NSL1: variants seen among roughly 807,000 people sequenced by gnomAD.
The protein encoded by NSL1 is kinetochore-associated protein NSL1 homolog.
In NSL1, 11 loss-of-function variants were observed where a neutral mutation model predicts 25.4. That is an observed-to-expected ratio of 0.43 (90% CI 0.27 to 0.72). The LOEUF (loss-of-function observed/expected upper bound fraction) is 0.72. Ranked by LOEUF, NSL1 falls within the 30% of genes least tolerant of loss-of-function variation. The probability of loss-of-function intolerance (pLI) is 0.19; values close to 1 mark genes in which losing one functional copy is unlikely to be tolerated. For missense variants in NSL1, 330 were observed against 342.7 expected (o/e 0.96, Z 0.29); for synonymous variants, 118 against 120.6 (o/e 0.98, Z 0.14).
At chr1:212,790,852 G>A (rs1661189097) in intron 1 of NSL1, among the ~76,000 whole-genome samples, 1 of 152,042 alleles carries the variant, frequency 6.6e-6, no homozygotes, top group Admixed American at 6.5e-5. Flanking sequence ...GAACCCAGGA[G>A]GCGGAGCTTG....
chr1:212,735,579 C>T lies in NSL1; in HGVS notation c.*2829G>A. The T allele has an allele frequency of 1.8e-5, 17 of 968,860 alleles. No individual in the cohort carries two copies. Among genetic ancestry groups the T allele is most frequent in the Non-Finnish European group, 2.0e-5 (16 of 814,890 alleles). The allele number at this position is 968,860 out of a possible 1,614,324, so 60.0% of individuals were successfully genotyped here. ...TTATGGACTCAATGTTTGTGTCCCC[C>T]TAAAATCTGTATGATGAAGCCTTAA... On this transcript the variant is annotated 3_prime_UTR_variant, in exon 6 of 6. Coordinates refer to ENST00000366977, the MANE Select transcript of NSL1 (RefSeq NM_015471.4).
intron 4 of NSL1, chr1:212,766,148 A>C (rs1659802630): frequency 2.3e-6 from 1 of 439,834 alleles, no homozygotes; most frequent in Non-Finnish European, 4.2e-6. Flanking sequence ...AAAAAAAAAA[A>C]CAAAAAAACC....
chr1:212,764,156 TA>T (rs1659692344), intron 4 of NSL1: 1 of 212,728 alleles, frequency 4.7e-6, no homozygotes, highest in Admixed American at 5.8e-5. Flanking sequence ...ACATGGAAAT[TA>T]AATAATCTGC....
Position 212,791,613 on chromosome 1 carries a change from G to T in NSL1, c.151C>A (p.Gln51Lys). 6.2e-7 allele frequency: 1 copy of T among 1,613,916 alleles called. No individual in the cohort carries two copies. Among genetic ancestry groups the T allele is most frequent in the East Asian group, 2.2e-5 (1 of 44,880 alleles). ...TTTTGCACGAAGCGGCCGCACAGTT[G>T]TAGCATTTCGGTCACAGCCCGCTTC... The part of the protein sequence containing the change: ...TSKRAVTEML[Q>K]LCGRFVQKLG... Residue 51 changes from glutamine (Q) to lysine (K), a missense_variant, in exon 1 of 6, where the codon CAA becomes AAA. Transcript: ENST00000366977.
intron 1 of NSL1, among the ~76,000 whole-genome samples, chr1:212,790,934 AT>A (rs144992193): frequency 6.2e-4 from 94 of 150,412 alleles, no homozygotes; most frequent in African/African-American, 1.2e-3. Context: ...AAAAAAAAAA[AT>A]AAAATAAAAT....
chr1:212,791,743 C>T lies in NSL1; in HGVS notation c.21G>A (p.Leu7=). The T allele has an allele frequency of 6.2e-7, 1 of 1,610,006 alleles. No individual in the cohort carries two copies. Among genetic ancestry groups the T allele is most frequent in the Non-Finnish European group, 8.5e-7 (1 of 1,177,630 alleles). MAGSPE[L]VVLDPPWDKE... ...TGTCCCATGGAGGGTCAAGGACCAC[C>T]AACTCAGGAGACCCCGCCATTTTTC... Residue 7 remains leucine, a synonymous_variant, in exon 1 of 6, where the codon TTG becomes TTA. Transcript: ENST00000366977.
At chr1:212,790,045 G>C (rs894342434) in intron 1 of NSL1, among the ~76,000 whole-genome samples, 17 of 151,422 alleles carry the variant, frequency 1.1e-4, no homozygotes, top group African/African-American at 3.9e-4. Flanking sequence ...ATGGAGTCTC[G>C]CTCTGTCACC....
rs552376253 is a variant in NSL1, at chr1:212,791,457, C to T, written c.234+73G>A. 708 of 1,394,956 alleles carry T rather than the reference C, an allele frequency of 5.1e-4. 10 individuals are homozygous for T. The South Asian group carries it at 7.6e-3, about 15-fold the overall frequency. The allele number at this position is 1,394,956 out of a possible 1,614,324, so 86.4% of individuals were successfully genotyped here. On this transcript the variant is annotated intron_variant, in intron 1 of 5. Coordinates refer to ENST00000366977, the MANE Select transcript of NSL1 (RefSeq NM_015471.4). ...ATTCTGCCAAGGCCTGGCGTGGGAT[C>T]TTTCTGAATCCTAAGATCCTGGGTG...
chr1:212,762,306 C>CA (rs71147025), intron 4 of NSL1, among the ~76,000 whole-genome samples: 4,098 of 114,602 alleles, frequency 0.036, 76 homozygotes, highest in Middle Eastern at 0.077. Flanking sequence ...TTAAAAGAAA[C>CA]AAAAAAAAAA....
chr1:212,761,347 C>T (rs780823936), intron 4 of NSL1, among the ~76,000 whole-genome samples: 11 of 152,086 alleles, frequency 7.2e-5, no homozygotes, highest in South Asian at 2.1e-4. Context: ...CCTTGGAGTT[C>T]GAGACCAGCC....
Position 212,730,762 on chromosome 1 carries a change from C to T in NSL1, c.*7646G>A. On this transcript the variant is annotated 3_prime_UTR_variant, in exon 6 of 6. Coordinates refer to ENST00000366977, the MANE Select transcript of NSL1 (RefSeq NM_015471.4). ...TTCTAGTAGACGTAGTTCTAGTAGACAGGAGACTCTGGAGTCCTAATTCAG... is the reference window on the plus strand; with the variant it reads ...TTCTAGTAGACGTAGTTCTAGTAGATAGGAGACTCTGGAGTCCTAATTCAG... 33 of 985,380 alleles carry T rather than the reference C, an allele frequency of 3.3e-5. No homozygotes were observed. Among genetic ancestry groups the T allele is most frequent in the Non-Finnish European group, 3.9e-5 (32 of 829,916 alleles). The allele number at this position is 985,380 out of a possible 1,614,324, so 61.0% of individuals were successfully genotyped here. A position where few individuals can be genotyped will look rare whatever the true frequency, so the allele number is the denominator to read the frequency against.
At position 212,735,436 on chromosome 1, in the gene NSL1, G is replaced by C; in HGVS notation, c.*2972C>G. 2.0e-6 allele frequency: 2 copies of C among 985,398 alleles called. No individual in the cohort carries two copies. The highest frequency in any genetic ancestry group is 9.4e-5 in the South Asian group (2 of 21,284). The allele number at this position is 985,398 out of a possible 1,614,324, so 61.0% of individuals were successfully genotyped here. ...AAAGAAAAAGTACATCTTACAAGAT[G>C]AAATCATACTGTTTGAAGCAATAAA... On this transcript the variant is annotated 3_prime_UTR_variant, in exon 6 of 6. Transcript: ENST00000366977.
intron 4 of NSL1, among the ~76,000 whole-genome samples, chr1:212,781,538 T>TC (rs1553254569): frequency 0.023 from 3,464 of 151,840 alleles, 63 homozygotes; most frequent in South Asian, 0.041. Context: ...TGCTTATACT[T>TC]CCCCCCCTCT....
chr1:212,784,590 C>A (rs867666238), intron 2 of NSL1, 97 bp from the exon 3 acceptor site: 115 of 677,900 alleles, frequency 1.7e-4, no homozygotes, highest in South Asian at 7.4e-4. Context: ...TTAGAAAACA[C>A]AAAATAATGA....
chr1:212,738,299 TA>T lies in NSL1; in HGVS notation c.*108del, dbSNP rs765913554. The T allele has an allele frequency of 4.0e-6, 6 of 1,491,672 alleles. No individual in the cohort carries two copies. Among genetic ancestry groups the T allele is most frequent in the Non-Finnish European group, 5.3e-6 (6 of 1,125,112 alleles). 92.4% of individuals were successfully genotyped at this position (1,491,672 alleles called of 1,614,324 possible). The stretch of plus-strand genomic sequence containing the variant: ...TATATCTGTATAAATGAATCACTAG[TA>T]AAAGAGTTATTTCTTATTTCAAATG... On this transcript the variant is annotated 3_prime_UTR_variant, in exon 6 of 6. Transcript: ENST00000366977.
chr1:212,733,024 T>C lies in NSL1; in HGVS notation c.*5384A>G, dbSNP rs191336147. Among the ~76,000 whole-genome samples, 527 of 152,328 alleles carry C rather than the reference T, an allele frequency of 3.5e-3. 7 individuals are homozygous for C. The highest frequency in any genetic ancestry group is 0.012 in the African/African-American group (504 of 41,564). Reference sequence around the variant, plus strand: ...TCTATTTCTTTATTCTCTTTTTAAATTGAGATATACTTTACCATCTCACTC... The same window carrying C: ...TCTATTTCTTTATTCTCTTTTTAAACTGAGATATACTTTACCATCTCACTC... On this transcript the variant is annotated 3_prime_UTR_variant, in exon 6 of 6. Coordinates refer to ENST00000366977, the MANE Select transcript of NSL1 (RefSeq NM_015471.4).
intron 4 of NSL1, among the ~76,000 whole-genome samples, chr1:212,740,527 T>C (rs1452998363): frequency 1.3e-5 from 2 of 152,170 alleles, no homozygotes; most frequent in Non-Finnish European, 2.9e-5. Flanking sequence ...GTGAAACCTA[T>C]GAACACCTTC....
rs138312641 is a variant in NSL1, at chr1:212,756,358, G to A, written c.500-16757C>T. On this transcript the variant is annotated intron_variant, in intron 4 of 5. Coordinates refer to ENST00000366977, the MANE Select transcript of NSL1 (RefSeq NM_015471.4). ...TGGTCTCAAACTCCTGTGCTCAAGC[G>A]ATCAGCTTCCCAAAGTGCTGGGCTT... 3.5e-3 allele frequency among the ~76,000 whole-genome samples: 531 copies of A among 152,242 alleles called. 7 individuals carry two copies. Among genetic ancestry groups the A allele is most frequent in the African/African-American group, 0.012 (507 of 41,550 alleles).
intron 1 of NSL1, among the ~76,000 whole-genome samples, chr1:212,790,163 G>A (rs1661131408): frequency 6.6e-6 from 1 of 152,092 alleles, no homozygotes; most frequent in African/African-American, 2.4e-5. Context: ...ACAGGTGCCT[G>A]CCACCATGGC....
Sources: allele counts gnomAD v4.1 joint callset (sites outside exome capture counted in the v4.1 genomes callset), GRCh38; gene constraint gnomAD v4.1.1; transcripts MANE v1.5; gene names NCBI Gene and HGNC (gene_info 2026-07-23, HGNC 2026-07-21).